The following CACNG8 variants were observed in gnomAD, a reference collection of about 807,000 sequenced individuals.
The protein encoded by CACNG8 is calcium voltage-gated channel auxiliary subunit gamma 8, also known as voltage-dependent calcium channel gamma-8 subunit.
CACNG8 carries 5 observed loss-of-function variants against 26.9 expected under a neutral mutation model. The ratio of observed to expected loss-of-function variants is 0.19; its 90% CI spans 0.10 to 0.39. The LOEUF (loss-of-function observed/expected upper bound fraction) is 0.39. CACNG8 is among the 10% of genes least tolerant of loss of function. The probability of loss-of-function intolerance (pLI) is 1.00; values close to 1 mark genes in which losing one functional copy is unlikely to be tolerated. For synonymous variants in CACNG8, 321 were observed against 296.7 expected (o/e 1.08, Z -0.84); for missense variants, 473 against 609.4 (o/e 0.78, Z 2.36).
At chr19:53,972,639 G>A (rs1318420531) in intron 1 of CACNG8, among the ~76,000 whole-genome samples, 1 of 152,134 alleles carries the variant, frequency 6.6e-6, no homozygotes, top group Non-Finnish European at 1.5e-5. Flanking sequence ...TGGGATTACA[G>A]GCGTGAGCCA....
chr19:53,969,162 C>T (rs2069287871), intron 1 of CACNG8, among the ~76,000 whole-genome samples: 1 of 152,030 alleles, frequency 6.6e-6, no homozygotes, highest in Admixed American at 6.6e-5. Flanking sequence ...CACCACCACA[C>T]CCGGCTAATT....
At chr19:53,972,234 G>A (rs1019177335) in intron 1 of CACNG8, among the ~76,000 whole-genome samples, 1 of 151,952 alleles carries the variant, frequency 6.6e-6, no homozygotes. Context: ...GACCTCAGGT[G>A]ATCTGCCCAC....
chr19:53,963,452 G>A (rs943685270), intron 1 of CACNG8, 27 bp downstream of exon 1: 2 of 1,423,568 alleles, frequency 1.4e-6, no homozygotes, highest in Non-Finnish European at 1.8e-6. Context: ...CCTCCCCGCA[G>A]CCCCCGCCGC....
At chr19:53,963,537 C>A in intron 1 of CACNG8, 112 bp downstream of exon 1, 1 of 1,121,768 alleles carries the variant, frequency 8.9e-7, no homozygotes, top group Non-Finnish European at 1.2e-6. Flanking sequence ...ACCCCTCCTC[C>A]TCTGCCAGAG....
chr19:53,978,111 A>T, intron 1 of CACNG8, 35 bp from the exon 2 acceptor site: 1 of 1,459,346 alleles, frequency 6.9e-7, no homozygotes, highest in Non-Finnish European at 9.6e-7. Context: ...ACCCTGAAGT[A>T]TCCGCCCCCA....
In CACNG8 at chr19:53,986,103, G is replaced by A. The variant is rs2069406245; in HGVS notation, c.*3254G>A. The A allele has an allele frequency of 6.6e-6, 1 of 152,496 alleles. No homozygotes were observed. Among genetic ancestry groups the A allele is most frequent in the Non-Finnish European group, 1.5e-5 (1 of 68,308 alleles). 9.4% of individuals were successfully genotyped at this position (152,496 alleles called of 1,614,324 possible). A position where few individuals can be genotyped will look rare whatever the true frequency, so the allele number is the denominator to read the frequency against. The stretch of plus-strand genomic sequence containing the variant: ...TACAGAGGAGAGAGAAGAGGAAGAG[G>A]AGAGACTGACAGGTGCACAAATCAG... On this transcript the variant is annotated 3_prime_UTR_variant, in exon 4 of 4. Transcript: ENST00000270458.
rs980346642 is a variant in CACNG8, at chr19:53,970,942, A to AAAAAG, written c.284-7184_284-7180dup. Reference sequence around the variant, plus strand: ...GCAAGACCCTATCTCAAAAAAAAAAAAAAAGAAAAGAAAAGAAAAGAAAAA... The same window carrying AAAAAG: ...GCAAGACCCTATCTCAAAAAAAAAAAAAAAGAAAAGAAAAGAAAAGAAAAGAAAAA... On this transcript the variant is annotated intron_variant, in intron 1 of 3. Transcript: ENST00000270458. Among the ~76,000 whole-genome samples, 10 of 150,652 alleles carry AAAAAG rather than the reference A, an allele frequency of 6.6e-5. No individual in the cohort carries two copies. The East Asian group carries it at 7.8e-4, about 12-fold the overall frequency.
intron 1 of CACNG8, 46 bp downstream of exon 1, chr19:53,963,471 G>C (rs780974320): frequency 7.0e-7 from 1 of 1,421,468 alleles, no homozygotes; most frequent in East Asian, 2.8e-5. Context: ...GCTCCCCTCC[G>C]AGAGACCCTG....
chr19:53,970,799 A>T (rs575902484), intron 1 of CACNG8, among the ~76,000 whole-genome samples: 1 of 150,296 alleles, frequency 6.7e-6, no homozygotes, highest in African/African-American at 2.5e-5. Flanking sequence ...GGGCATGGTG[A>T]TACATGCCTG....
rs1331377663 is a variant in CACNG8, at chr19:53,985,564, T to C, written c.*2715T>C. 1 of 151,836 alleles carries C rather than the reference T, an allele frequency of 6.6e-6. No homozygotes were observed. Among genetic ancestry groups the C allele is most frequent in the Admixed American group, 6.6e-5 (1 of 15,208 alleles). 9.4% of individuals were successfully genotyped at this position (151,836 alleles called of 1,614,324 possible). A position where few individuals can be genotyped will look rare whatever the true frequency, so the allele number is the denominator to read the frequency against. ...CGGAGCGGGTGTTAAAAGAGACAAA[T>C]CTGGCCGGGTGCTGTGGCTCCTAAT... On this transcript the variant is annotated 3_prime_UTR_variant, in exon 4 of 4. Coordinates refer to ENST00000270458, the MANE Select transcript of CACNG8 (RefSeq NM_031895.6).
rs527568020 is a variant in CACNG8 at position 53,983,053 on chromosome 19, C to A, written c.*204C>A. ...AGGGGGCAGGGGAGGGAGGGGGCCGCTGTGAGGGAGCGTCGTGTTTTATTT... is the reference window on the plus strand; with the variant it reads ...AGGGGGCAGGGGAGGGAGGGGGCCGATGTGAGGGAGCGTCGTGTTTTATTT... On this transcript the variant is annotated 3_prime_UTR_variant, in exon 4 of 4. Transcript: ENST00000270458. 109 of 214,894 alleles carry A rather than the reference C, an allele frequency of 5.1e-4. 1 individual carries two copies. The East Asian group carries it at 8.8e-3, about 17-fold the overall frequency. The allele number at this position is 214,894 out of a possible 1,614,324, so 13.3% of individuals were successfully genotyped here.
At chr19:53,979,722 TA>T in intron 2 of CACNG8, 144 bp from the exon 3 acceptor site, 1 of 755,168 alleles carries the variant, frequency 1.3e-6, no homozygotes, top group Non-Finnish European at 1.9e-6. Context: ...GAGGCAACAG[TA>T]AAATAAACCA....
In CACNG8 at chr19:53,982,507, C is replaced by G; in HGVS notation, c.936C>G (p.Asp312Glu). Reference sequence around the variant, plus strand: ...TCTCCATGTACACGCTCAGCCGCGACCCCTCCAAGGGCAGCGTGGCCGCGG... The same window carrying G: ...TCTCCATGTACACGCTCAGCCGCGAGCCCTCCAAGGGCAGCGTGGCCGCGG... The change falls in exon 4 of 4, where the codon GAC (aspartate) becomes GAG (glutamate). Residue 312 changes from aspartate (D) to glutamate (E), a missense_variant. Physicochemically the swap from Asp to Glu is conservative, Grantham distance 45 (BLOSUM62 2). Coordinates refer to ENST00000270458, the MANE Select transcript of CACNG8 (RefSeq NM_031895.6). The surrounding 1 kb of genome is among the most constrained non-coding windows in gnomAD (Gnocchi z 8.4). 6.8e-7 allele frequency: 1 copy of G among 1,471,048 alleles called. No homozygotes were observed. Among genetic ancestry groups the G allele is most frequent in the South Asian group, 1.3e-5 (1 of 76,466 alleles). 91.1% of individuals were successfully genotyped at this position (1,471,048 alleles called of 1,614,324 possible).
chr19:53,963,039 C>A lies in CACNG8; in HGVS notation c.-104C>A. ...CTCCCCAGCCCCGCCGGCCCCGGGC[C>A]CCCCGCTTCTGCCTGCGCTGTGAAC... On this transcript the variant is annotated 5_prime_UTR_variant, in exon 1 of 4. Coordinates refer to ENST00000270458, the MANE Select transcript of CACNG8 (RefSeq NM_031895.6). 2.0e-6 allele frequency: 1 copy of A among 499,082 alleles called. No homozygotes were observed. The highest frequency in any genetic ancestry group is 3.1e-6 in the Non-Finnish European group (1 of 325,682). The allele number at this position is 499,082 out of a possible 1,614,324, so 30.9% of individuals were successfully genotyped here.
Position 53,982,885 on chromosome 19 carries a change from C to A in CACNG8, c.*36C>A. Reference sequence around the variant, plus strand: ...GGGGAGCCGAGGGGCGTGTCCGGGGCGCGTGCGCGGGCGCGCGTGCATCGA... The same window carrying A: ...GGGGAGCCGAGGGGCGTGTCCGGGGAGCGTGCGCGGGCGCGCGTGCATCGA... On this transcript the variant is annotated 3_prime_UTR_variant, in exon 4 of 4. Transcript: ENST00000270458. This position sits in a 1 kb window ranked among gnomAD's most constrained non-coding sequence, Gnocchi z 8.4. 8.2e-7 allele frequency: 1 copy of A among 1,224,580 alleles called. No homozygotes were observed. The allele number at this position is 1,224,580 out of a possible 1,614,324, so 75.9% of individuals were successfully genotyped here.
rs767581716 is a variant in CACNG8 at position 53,963,396 on chromosome 19, C to G, written c.254C>G (p.Ser85Trp). ...AAGGACCCCGGCGGCCTCACGCACT[C>G]GGGCCTCTGGAGGATCTGCTGCCTG... Residue 85 changes from serine (S) to tryptophan (W), a missense_variant, in exon 1 of 4, where the codon TCG (serine) becomes TGG (tryptophan). Transcript: ENST00000270458. 6.4e-7 allele frequency: 1 copy of G among 1,567,388 alleles called. No homozygotes were observed. Among genetic ancestry groups the G allele is most frequent in the Non-Finnish European group, 8.6e-7 (1 of 1,165,748 alleles).
intron 1 of CACNG8, among the ~76,000 whole-genome samples, chr19:53,971,020 G>A (rs868003546): frequency 1.3e-5 from 2 of 149,278 alleles, no homozygotes; most frequent in Non-Finnish European, 3.0e-5. Flanking sequence ...GGCTGGGCAC[G>A]GTGGCTCACG....
rs1263605700 is a variant in CACNG8, at chr19:53,963,214, G to C, written c.72G>C (p.Thr24=). 1.2e-6 allele frequency: 2 copies of C among 1,607,370 alleles called. No individual in the cohort carries two copies. Among genetic ancestry groups the C allele is most frequent in the Non-Finnish European group, 8.5e-7 (1 of 1,177,928 alleles). ...AGAAGGGGGTGCAGGTGCTGCTGAC[G>C]ACGGTGGGCGCCTTCGCCGCCTTCG... Residue 24 remains threonine, a synonymous_variant, in exon 1 of 4, where the codon ACG becomes ACC. Transcript: ENST00000270458.
rs1374184374 is a variant in CACNG8 at position 53,963,072 on chromosome 19, C to G, written c.-71C>G. On this transcript the variant is annotated 5_prime_UTR_variant, in exon 1 of 4. Transcript: ENST00000270458. ...TCTGCCTGCGCTGTGAACCCCCCCC[C>G]AGCCGCCGGCACGGCCCCGCCCCCG... 2.9e-6 allele frequency: 3 copies of G among 1,020,400 alleles called. No homozygotes were observed. The highest frequency in any genetic ancestry group is 2.4e-5 in the South Asian group (1 of 42,402). 63.2% of individuals were successfully genotyped at this position (1,020,400 alleles called of 1,614,324 possible).
Sources: allele counts gnomAD v4.1 joint callset (sites outside exome capture counted in the v4.1 genomes callset), GRCh38; gene constraint gnomAD v4.1.1; non-coding constraint Gnocchi (gnomAD v3.1); transcripts MANE v1.5; gene names NCBI Gene and HGNC (gene_info 2026-07-23, HGNC 2026-07-21).